NAAA: variants seen among roughly 807,000 people sequenced by gnomAD.
NAAA encodes N-acylethanolamine acid amidase.
NAAA carries 39 observed loss-of-function variants against 44.8 expected under a neutral mutation model. That is an observed-to-expected ratio of 0.87 (90% CI 0.67 to 1.14). The LOEUF (loss-of-function observed/expected upper bound fraction) is 1.14, where lower values mean the gene tolerates loss of function less well. Among genes scored for constraint, NAAA ranks in the 50% most tolerant of loss-of-function variants. The pLI is 0.00. For missense variants in NAAA, 460 were observed against 467.8 expected (o/e 0.98, Z 0.15); for synonymous variants, 178 against 191.3 (o/e 0.93, Z 0.58).
intron 4 of NAAA, among the ~76,000 whole-genome samples, chr4:75,928,784 C>CTTTTT (rs66858038): frequency 3.4e-5 from 5 of 146,998 alleles, no homozygotes; most frequent in Non-Finnish European, 4.5e-5. Context: ...ATCATCCCTG[C>CTTTTT]TTTTTTTTTT....
intron 1 of NAAA, 146 bp downstream of exon 1, chr4:75,940,598 C>T: frequency 1.1e-6 from 1 of 914,740 alleles, no homozygotes; most frequent in Non-Finnish European, 1.6e-6. Flanking sequence ...CCAACCCGGA[C>T]GCTGCTCAGG....
intron 8 of NAAA, among the ~76,000 whole-genome samples, chr4:75,919,144 C>G (rs984873150): frequency 6.6e-6 from 1 of 152,066 alleles, no homozygotes; most frequent in Non-Finnish European, 1.5e-5. Context: ...CAGGGTCAAC[C>G]GATTCTCCTG....
chr4:75,940,619 A>C lies in NAAA; in HGVS notation c.206+125T>G, dbSNP rs962766115. The C allele has an allele frequency of 9.5e-6, 11 of 1,158,144 alleles. No homozygotes were observed. The Admixed American group carries it at 3.2e-4, about 34-fold the overall frequency. 71.7% of individuals were successfully genotyped at this position (1,158,144 alleles called of 1,614,324 possible). ...CGGACGCTGCTCAGGGCGGCAGCCAAAACCAGTTCTCCAAGGGTGGCGGGG... is the reference window on the plus strand; with the variant it reads ...CGGACGCTGCTCAGGGCGGCAGCCACAACCAGTTCTCCAAGGGTGGCGGGG... On this transcript the variant is annotated intron_variant, in intron 1 of 10. Coordinates refer to ENST00000286733, the MANE Select transcript of NAAA (RefSeq NM_014435.4).
chr4:75,918,237 A>G (rs1050443979), intron 9 of NAAA, among the ~76,000 whole-genome samples: 3 of 152,116 alleles, frequency 2.0e-5, no homozygotes, highest in African/African-American at 7.2e-5. Flanking sequence ...GCAGATCATG[A>G]GGTCAGGAGA....
Position 75,919,731 on chromosome 4 carries a change from G to A in NAAA, c.969+178C>T, listed in dbSNP as rs555789237. 21 of 633,978 alleles carry A rather than the reference G, an allele frequency of 3.3e-5. No individual in the cohort carries two copies. The African/African-American group carries it at 3.3e-4, about 10-fold the overall frequency. 39.3% of individuals were successfully genotyped at this position (633,978 alleles called of 1,614,324 possible). A position where few individuals can be genotyped will look rare whatever the true frequency, so the allele number is the denominator to read the frequency against. On this transcript the variant is annotated intron_variant, in intron 8 of 10. Transcript: ENST00000286733. Reference sequence around the variant, plus strand: ...CTGACCTCGTGATCTGCCTGCCTAGGCCTCCCAAAGTGCTGGGATTACAGG... The same window carrying A: ...CTGACCTCGTGATCTGCCTGCCTAGACCTCCCAAAGTGCTGGGATTACAGG...
chr4:75,928,151 A>G (rs185390613), intron 4 of NAAA, among the ~76,000 whole-genome samples: 1 of 152,276 alleles, frequency 6.6e-6, no homozygotes, highest in Admixed American at 6.5e-5. Context: ...TCCTCAGTGC[A>G]TAGCAACCAC....
At chr4:75,922,771 T>C (rs72651374) in intron 5 of NAAA, among the ~76,000 whole-genome samples, 43,250 of 152,122 alleles carry the variant, frequency 0.28, 6,921 homozygotes, top group East Asian at 0.49. Context: ...AAAGAAGAAA[T>C]TTTCCCTTGG....
intron 5 of NAAA, among the ~76,000 whole-genome samples, chr4:75,923,372 G>A (rs1277432015): frequency 6.6e-6 from 1 of 152,088 alleles, no homozygotes; most frequent in Non-Finnish European, 1.5e-5. Context: ...ACAAAAAGTA[G>A]CCCAAGAAGT....
Position 75,919,934 on chromosome 4 carries a change from T to G in NAAA, c.944A>C (p.Asn315Thr). ...IKALNATGQA[N>T]LSLEALFQIL... Reference sequence around the variant, plus strand: ...CTGGAAAAGTGCCTCCAGGCTGAGGTTTGCTTGTCCTGTAGCATTAAGGGC... The same window carrying G: ...CTGGAAAAGTGCCTCCAGGCTGAGGGTTGCTTGTCCTGTAGCATTAAGGGC... Residue 315 changes from asparagine to threonine, a missense_variant, in exon 8 of 11, where the codon AAC becomes ACC. By Grantham distance (65) the Asn-to-Thr change is moderately conservative. Coordinates refer to ENST00000286733, the MANE Select transcript of NAAA (RefSeq NM_014435.4). 6.2e-7 allele frequency: 1 copy of G among 1,614,080 alleles called. No individual in the cohort carries two copies. Among genetic ancestry groups the G allele is most frequent in the East Asian group, 2.2e-5 (1 of 44,874 alleles).
chr4:75,921,062 A>G lies in NAAA; in HGVS notation c.728T>C (p.Ile243Thr). 2.5e-6 allele frequency: 4 copies of G among 1,601,842 alleles called. No homozygotes were observed. Among genetic ancestry groups the G allele is most frequent in the East Asian group, 2.2e-5 (1 of 44,824 alleles). The stretch of plus-strand genomic sequence containing the variant: ...ACCAACAATGTAATAAACATCAGCA[A>G]TAAGGGGAGTCTTGGCCAACTTGCC... ...AVGKLAKTPL[I>T]ADVYYIVGGT... Residue 243 changes from isoleucine (I) to threonine (T), a missense_variant, in exon 6 of 11, where the codon ATT becomes ACT. Coordinates refer to ENST00000286733, the MANE Select transcript of NAAA (RefSeq NM_014435.4).
Position 75,940,889 on chromosome 4 carries a change from CCAGCAG to C in NAAA, c.55_60del (p.Leu19_Leu20del). The C allele has an allele frequency of 2.6e-6, 4 of 1,546,246 alleles. No homozygotes were observed. Among genetic ancestry groups the C allele is most frequent in the African/African-American group, 1.4e-5 (1 of 71,136 alleles). ...GAGGCGGCTGACAGCCCGGCCCCGG[CCAGCAG>C]CAGCAGCAGCAGGGACGGAAGCCCC... On this transcript the variant is annotated inframe_deletion, in exon 1 of 11. Transcript: ENST00000286733.
chr4:75,930,460 C>CT (rs1187723730), intron 4 of NAAA: 3 of 517,026 alleles, frequency 5.8e-6, no homozygotes, highest in Non-Finnish European at 7.7e-6. Flanking sequence ...ACAGCCCTGC[C>CT]TAACAGGACT....
At chr4:75,931,388 A>AT (rs1163156008) in intron 3 of NAAA, 84 bp from the exon 4 acceptor site, 38 of 1,022,988 alleles carry the variant, frequency 3.7e-5, no homozygotes, top group South Asian at 7.6e-5. Flanking sequence ...AATTTTCTGG[A>AT]TTTTTTTTCT....
rs773084698 is a variant in NAAA at position 75,919,935 on chromosome 4, T to G, written c.943A>C (p.Asn315His). ...TGGAAAAGTGCCTCCAGGCTGAGGT[T>G]TGCTTGTCCTGTAGCATTAAGGGCC... is the stretch of plus-strand genomic sequence containing the variant. ...IKALNATGQANLSLEALFQIL... is the reference protein window; with the variant it reads ...IKALNATGQAHLSLEALFQIL... Residue 315 changes from asparagine (N) to histidine (H), a missense_variant, in exon 8 of 11, where the codon AAC becomes CAC. Coordinates refer to ENST00000286733, the MANE Select transcript of NAAA (RefSeq NM_014435.4). 6.2e-7 allele frequency: 1 copy of G among 1,614,004 alleles called. No homozygotes were observed. The highest frequency in any genetic ancestry group is 1.3e-5 in the African/African-American group (1 of 74,940).
intron 5 of NAAA, among the ~76,000 whole-genome samples, chr4:75,922,809 A>C (rs1726297465): frequency 6.6e-6 from 1 of 152,318 alleles, no homozygotes; most frequent in African/African-American, 2.4e-5. Flanking sequence ...GGAGTGATGA[A>C]ATATTTGTTT....
intron 4 of NAAA, among the ~76,000 whole-genome samples, chr4:75,927,859 A>C (rs1726876957): frequency 6.6e-6 from 1 of 152,154 alleles, no homozygotes; most frequent in Admixed American, 6.6e-5. Context: ...AATGGGCAGT[A>C]AGCACATGAA....
At chr4:75,922,805 A>T (rs1726296580) in intron 5 of NAAA, among the ~76,000 whole-genome samples, 1 of 152,226 alleles carries the variant, frequency 6.6e-6, no homozygotes, top group African/African-American at 2.4e-5. Flanking sequence ...AATAGGAGTG[A>T]TGAAATATTT....
chr4:75,927,092 C>A (rs1726773054), intron 4 of NAAA, among the ~76,000 whole-genome samples: 1 of 152,102 alleles, frequency 6.6e-6, no homozygotes, highest in Non-Finnish European at 1.5e-5. Flanking sequence ...AAAAGATATT[C>A]CATATCATTA....
At position 75,920,804 on chromosome 4, in the gene NAAA, C is replaced by A. The variant is rs1003391245; in HGVS notation, c.840-4G>T. The A allele has an allele frequency of 6.2e-7, 1 of 1,614,220 alleles. No individual in the cohort carries two copies. Among genetic ancestry groups the A allele is most frequent in the Non-Finnish European group, 8.5e-7 (1 of 1,180,046 alleles). ...ATTTGTCTCAACTCGGAACCACCTACAACAGAGCACATCATCTTGTCTTAT... is the reference window on the plus strand; with the variant it reads ...ATTTGTCTCAACTCGGAACCACCTAAAACAGAGCACATCATCTTGTCTTAT... On this transcript the variant is annotated splice_region_variant and splice_polypyrimidine_tract_variant and intron_variant, in intron 6 of 10. Coordinates refer to ENST00000286733, the MANE Select transcript of NAAA (RefSeq NM_014435.4).
Sources: gnomAD v4.1 joint callset for allele counts (sites outside exome capture counted in the v4.1 genomes callset) on GRCh38, gnomAD v4.1.1 for gene constraint, MANE v1.5 for transcripts, NCBI Gene and HGNC (gene_info 2026-07-23, HGNC 2026-07-21) for gene names.